PDE1A: variants seen among roughly 807,000 people sequenced by gnomAD.
PDE1A encodes phosphodiesterase 1A, also known as dual specificity calcium/calmodulin-dependent 3',5'-cyclic nucleotide phosphodiesterase 1A.
PDE1A carries 35 observed loss-of-function variants against 61.7 expected under a neutral mutation model. That is an observed-to-expected ratio of 0.57 (90% CI 0.43 to 0.75). The LOEUF is 0.75. PDE1A is among the 30% of genes least tolerant of loss of function. PDE1A has a pLI of 0.00. For missense variants in PDE1A, 597 were observed against 630.6 expected, an observed-to-expected ratio of 0.95 and a Z score of 0.57; for synonymous variants, 232 against 213.2, an observed-to-expected ratio of 1.09 and a Z score of -0.77.
chr2:182,350,957 G>T (rs1273104239), intron 1 of PDE1A, among the ~76,000 whole-genome samples: 1 of 152,180 alleles, frequency 6.6e-6, no homozygotes, highest in Non-Finnish European at 1.5e-5. Flanking sequence ...TTACCACTCT[G>T]TAACTTTTAT....
intron 2 of PDE1A, among the ~76,000 whole-genome samples, chr2:182,456,465 A>G (rs999319994): frequency 1.3e-5 from 2 of 152,070 alleles, no homozygotes; most frequent in East Asian, 1.9e-4. Context: ...TTTTGAATCA[A>G]TATAATACCT....
At chr2:182,279,114 A>T (rs1292700641) in intron 1 of PDE1A, among the ~76,000 whole-genome samples, 1 of 151,976 alleles carries the variant, frequency 6.6e-6, no homozygotes, top group African/African-American at 2.4e-5. Context: ...TAGGGCATAG[A>T]GGCAGGATTC....
chr2:182,453,114 C>T (rs897776280), intron 2 of PDE1A, among the ~76,000 whole-genome samples: 4 of 152,096 alleles, frequency 2.6e-5, no homozygotes, highest in African/African-American at 7.2e-5. Flanking sequence ...AGTGACTTGA[C>T]GTATTTTTAT....
At chr2:182,690,209 C>T in the PDE1A span, among the ~76,000 whole-genome samples, 1 of 152,172 alleles carries the variant, frequency 6.6e-6, no homozygotes, top group Non-Finnish European at 1.5e-5. Context: ...ATACCAAAGC[C>T]TGGCAGAGAC....
chr2:182,192,200 T>C (rs1459167442), intron 10 of PDE1A, among the ~76,000 whole-genome samples: 1 of 152,074 alleles, frequency 6.6e-6, no homozygotes, highest in Non-Finnish European at 1.5e-5. Context: ...TGGCAACATA[T>C]TTCCTATAGG....
chr2:182,455,665 C>A (rs562418303), intron 2 of PDE1A, among the ~76,000 whole-genome samples: 4 of 152,116 alleles, frequency 2.6e-5, no homozygotes, highest in African/African-American at 9.6e-5. Flanking sequence ...GGACAAAAAA[C>A]CAAACACTGC....
At chr2:182,153,045 T>A (rs1293544460) in intron 13 of PDE1A, among the ~76,000 whole-genome samples, 1 of 152,176 alleles carries the variant, frequency 6.6e-6, no homozygotes, top group Non-Finnish European at 1.5e-5. Flanking sequence ...GCTTTAGACT[T>A]ACACCCAATG....
At chr2:182,532,381 T>C in the PDE1A span, among the ~76,000 whole-genome samples, 2 of 152,170 alleles carry the variant, frequency 1.3e-5, no homozygotes, top group Non-Finnish European at 2.9e-5. Context: ...TTTAGGAATG[T>C]TTAAATTTTT....
intron 2 of PDE1A, among the ~76,000 whole-genome samples, chr2:182,258,009 G>T (rs1465982540): frequency 6.6e-6 from 1 of 151,890 alleles, no homozygotes; most frequent in Non-Finnish European, 1.5e-5. Flanking sequence ...CTAGTAAAAA[G>T]ACAAAAAAAT....
chr2:182,330,063 T>C (rs1423098859), intron 1 of PDE1A, among the ~76,000 whole-genome samples: 1 of 152,016 alleles, frequency 6.6e-6, no homozygotes, highest in Non-Finnish European at 1.5e-5. Context: ...TATTTCTCGG[T>C]TGGGCATCGT....
At chr2:182,306,459 C>A (rs578122902) in intron 1 of PDE1A, among the ~76,000 whole-genome samples, 6 of 151,338 alleles carry the variant, frequency 4.0e-5, no homozygotes, top group Admixed American at 6.6e-5. Flanking sequence ...GGAAAAAATC[C>A]AAAAATTCAT....
At chr2:182,185,194 G>A (rs1276723804) in intron 13 of PDE1A, among the ~76,000 whole-genome samples, 1 of 152,124 alleles carries the variant, frequency 6.6e-6, no homozygotes, top group African/African-American at 2.4e-5. Context: ...CTTCCAAGAG[G>A]CCATTGTGCA....
chr2:182,558,262 A>C, the PDE1A span, among the ~76,000 whole-genome samples: 1 of 151,916 alleles, frequency 6.6e-6, no homozygotes, highest in Non-Finnish European at 1.5e-5. Flanking sequence ...AGTACACCAA[A>C]AGAGTCTACA....
chr2:182,677,270 A>AC, the PDE1A span, among the ~76,000 whole-genome samples: 7 of 152,170 alleles, frequency 4.6e-5, no homozygotes, highest in African/African-American at 1.7e-4. Flanking sequence ...CACCAACAAC[A>AC]ACCAAGCTGA....
chr2:182,656,257 G>C, the PDE1A span, among the ~76,000 whole-genome samples: 1 of 152,240 alleles, frequency 6.6e-6, no homozygotes, highest in East Asian at 1.9e-4. Flanking sequence ...TGAGACACAT[G>C]AAGTACAGAT....
At chr2:182,375,061 T>C (rs1015157471) in intron 1 of PDE1A, among the ~76,000 whole-genome samples, 16 of 152,180 alleles carry the variant, frequency 1.1e-4, no homozygotes, top group African/African-American at 3.6e-4. Context: ...ACTCAAATTA[T>C]CTTCCACCAG....
intron 1 of PDE1A, among the ~76,000 whole-genome samples, chr2:182,302,108 A>C (rs12616214): frequency 0.095 from 14,458 of 152,204 alleles, 1,048 homozygotes; most frequent in Admixed American, 0.19. Context: ...GTGGATATTA[A>C]TAGTGGTAGG....
At chr2:182,473,571 T>C (rs1040956577) in intron 2 of PDE1A, among the ~76,000 whole-genome samples, 1 of 151,818 alleles carries the variant, frequency 6.6e-6, no homozygotes, top group Non-Finnish European at 1.5e-5. Flanking sequence ...GTTTGTTGTG[T>C]ACATCATTTC....
chr2:182,698,586 G>A, the PDE1A span, among the ~76,000 whole-genome samples: 1 of 152,210 alleles, frequency 6.6e-6, no homozygotes, highest in South Asian at 2.1e-4. Context: ...TGAATAGAAT[G>A]AGCAGAATAA....
Sources: allele counts gnomAD v4.1 joint callset (sites outside exome capture counted in the v4.1 genomes callset), GRCh38; gene constraint gnomAD v4.1.1; transcripts MANE v1.5; gene names NCBI Gene and HGNC (gene_info 2026-07-23, HGNC 2026-07-21).